Variants in MANBA observed in about 807,000 individuals in gnomAD.
MANBA encodes the protein mannosidase beta, also known as beta-mannosidase.
MANBA carries 83 observed loss-of-function variants against 111.1 expected under a neutral mutation model. The ratio of observed to expected loss-of-function variants is 0.75; its 90% CI spans 0.63 to 0.90. MANBA has a LOEUF of 0.90. Among genes scored for constraint, MANBA ranks in the 40% least tolerant of loss-of-function variants. The probability of loss-of-function intolerance (pLI) is 0.00; values close to 1 mark genes in which losing one functional copy is unlikely to be tolerated. For missense variants in MANBA, 1,036 were observed against 1,069.0 expected, an observed-to-expected ratio of 0.97 and a Z score of 0.43; for synonymous variants, 370 against 378.7, an observed-to-expected ratio of 0.98 and a Z score of 0.27.
intron 11 of MANBA, among the ~76,000 whole-genome samples, chr4:102,659,711 G>A (rs1351132532): frequency 1.3e-5 from 2 of 152,152 alleles, no homozygotes; most frequent in African/African-American, 4.8e-5. Flanking sequence ...CCACTGAAAT[G>A]TTTTTCAAAA....
intron 2 of MANBA, 80 bp downstream of exon 2, chr4:102,726,509 C>T: frequency 1.3e-6 from 1 of 777,814 alleles, no homozygotes; most frequent in Non-Finnish European, 2.1e-6. Flanking sequence ...AAAAAACAAA[C>T]AAAACACAAC....
In MANBA at chr4:102,664,662, C is replaced by T. The variant is rs79449882; in HGVS notation, c.1485+23G>A. On this transcript the variant is annotated intron_variant, in intron 11 of 16. Coordinates refer to ENST00000647097, the MANE Select transcript of MANBA (RefSeq NM_005908.4). ...CCTAAAGATACATTCTTAAATTCTA[C>T]TGCATTAAAAATCATTACTTACTGC... 3,492 of 1,590,166 alleles carry T rather than the reference C, an allele frequency of 2.2e-3. 55 individuals carry two copies. The African/African-American group carries it at 0.039, about 18-fold the overall frequency.
chr4:102,699,761 A>T lies in MANBA; in HGVS notation c.674-8990T>A, dbSNP rs1179370632. Among the ~76,000 whole-genome samples the T allele has an allele frequency of 5.3e-5, 8 of 151,114 alleles. No individual in the cohort carries two copies. In the South Asian group the frequency reaches 8.4e-4, roughly 16 times the overall value. On this transcript the variant is annotated intron_variant, in intron 5 of 16. Coordinates refer to ENST00000647097, the MANE Select transcript of MANBA (RefSeq NM_005908.4). ...GATGTGCTGCTGGATCCGGTTTGCC[A>T]GTATTTTATTGAGGATTTTTGCATC...
intron 11 of MANBA, among the ~76,000 whole-genome samples, chr4:102,663,553 T>C (rs1731065869): frequency 1.3e-5 from 2 of 152,244 alleles, no homozygotes; most frequent in Non-Finnish European, 2.9e-5. Flanking sequence ...TGTCTTAGTA[T>C]ATCAGGTAAA....
chr4:102,711,921 G>A (rs1722084951), intron 5 of MANBA, among the ~76,000 whole-genome samples: 1 of 152,136 alleles, frequency 6.6e-6, no homozygotes, highest in Non-Finnish European at 1.5e-5. Flanking sequence ...TATATGAGTG[G>A]CAGAGAGGAA....
rs932989656 is a variant in MANBA at position 102,631,646 on chromosome 4, T to A, written c.*411A>T. The A allele has an allele frequency of 2.8e-5, 12 of 430,182 alleles. No homozygotes were observed. The South Asian group carries it at 7.2e-4, about 26-fold the overall frequency. The allele number at this position is 430,182 out of a possible 1,614,324, so 26.6% of individuals were successfully genotyped here. On this transcript the variant is annotated 3_prime_UTR_variant, in exon 17 of 17. Transcript: ENST00000647097. ...CTGAAATAATAACAAAGCACTTTAT[T>A]TGAGTATTCCGTATTCCCCAAAGCT...
chr4:102,632,055 C>T lies in MANBA; in HGVS notation c.*2G>A. The T allele has an allele frequency of 6.3e-7, 1 of 1,586,396 alleles. No individual in the cohort carries two copies. Among genetic ancestry groups the T allele is most frequent in the Non-Finnish European group, 8.6e-7 (1 of 1,156,392 alleles). ...TCCACTGAAAATACAACCTAGATTC[C>T]TTCAGTAAATATCTGTTAAGGAGGT... On this transcript the variant is annotated 3_prime_UTR_variant, in exon 17 of 17. Coordinates refer to ENST00000647097, the MANE Select transcript of MANBA (RefSeq NM_005908.4).
At chr4:102,703,987 CG>C (rs750205565) in intron 5 of MANBA, among the ~76,000 whole-genome samples, 3 of 151,722 alleles carry the variant, frequency 2.0e-5, no homozygotes, top group Non-Finnish European at 4.4e-5. Context: ...ACCAGCTACT[CG>C]GGAGGCTAAG....
chr4:102,651,417 A>C (rs1326756896), intron 12 of MANBA, among the ~76,000 whole-genome samples: 2 of 152,044 alleles, frequency 1.3e-5, no homozygotes, highest in South Asian at 2.1e-4. Flanking sequence ...AGTAAAAAAA[A>C]CTCACATATG....
At chr4:102,709,346 GGAAGGAAGAAAAGAAAAGAA>G in intron 5 of MANBA, among the ~76,000 whole-genome samples, 6 of 133,440 alleles carry the variant, frequency 4.5e-5, no homozygotes, top group African/African-American at 1.4e-4. Flanking sequence ...AAGGAAGGAA[GGAAGGAAGAAAAGAAAAGAA>G]AAAGAAAGGA....
At chr4:102,637,575 G>A (rs1003848855) in intron 14 of MANBA, among the ~76,000 whole-genome samples, 4 of 152,112 alleles carry the variant, frequency 2.6e-5, no homozygotes, top group African/African-American at 7.2e-5. Context: ...TCCCTATAAC[G>A]CCCAAGAGGA....
Position 102,635,914 on chromosome 4 carries a change from T to C in MANBA, c.2108A>G (p.Tyr703Cys), listed in dbSNP as rs752710287. The C allele has an allele frequency of 9.9e-6, 16 of 1,611,222 alleles. No individual in the cohort carries two copies. In the Admixed American group the frequency reaches 1.0e-4, roughly 10 times the overall value. Residue 703 changes from tyrosine to cysteine, a missense_variant, in exon 15 of 17, where the codon TAT becomes TGT. Coordinates refer to ENST00000647097, the MANE Select transcript of MANBA (RefSeq NM_005908.4). ...PVGFENENTF[Y>C]IYGVSDLHSD... is the part of the protein sequence containing the mutation. Reference sequence around the variant, plus strand: ...GTGAAGATCTGACACACCATAGATATAGAACGTGTTTTCATTCTCAAAGCC... The same window carrying C: ...GTGAAGATCTGACACACCATAGATACAGAACGTGTTTTCATTCTCAAAGCC...
chr4:102,725,084 G>A (rs185802204), intron 2 of MANBA, among the ~76,000 whole-genome samples: 365 of 152,178 alleles, frequency 2.4e-3, no homozygotes, highest in Non-Finnish European at 3.9e-3. Context: ...AAGAATTCAG[G>A]GGCAGGAGGA....
chr4:102,747,158 G>GATATAT (rs144093849), intron 1 of MANBA, among the ~76,000 whole-genome samples: 5 of 145,412 alleles, frequency 3.4e-5, no homozygotes, highest in African/African-American at 1.3e-4. Context: ...GAACTAATGG[G>GATATAT]ATATATATAT....
At chr4:102,658,016 A>G (rs1297076385) in intron 11 of MANBA, 116 bp from the exon 12 acceptor site, 2 of 771,316 alleles carry the variant, frequency 2.6e-6, no homozygotes, top group Non-Finnish European at 2.3e-6. Context: ...CTGATAGAAA[A>G]TTAGTAGGAC....
chr4:102,648,823 T>G (rs1284993880), intron 13 of MANBA, among the ~76,000 whole-genome samples: 1 of 152,068 alleles, frequency 6.6e-6, no homozygotes, highest in Non-Finnish European at 1.5e-5. Context: ...TGACTACCAC[T>G]CAGATCAAGA....
intron 1 of MANBA, among the ~76,000 whole-genome samples, chr4:102,737,275 G>A (rs1196967367): frequency 1.3e-5 from 2 of 152,216 alleles, no homozygotes; most frequent in East Asian, 1.9e-4. Flanking sequence ...AGCCAAAGGT[G>A]TGAGCAGGTG....
chr4:102,669,848 T>A (rs376743392), intron 9 of MANBA, among the ~76,000 whole-genome samples: 8 of 151,938 alleles, frequency 5.3e-5, no homozygotes, highest in Non-Finnish European at 1.2e-4. Flanking sequence ...GGCAAGGTGG[T>A]GAGCGCCTGT....
chr4:102,676,193 G>C (rs367697448), intron 7 of MANBA, among the ~76,000 whole-genome samples: 1 of 152,034 alleles, frequency 6.6e-6, no homozygotes, highest in South Asian at 2.1e-4. Flanking sequence ...ACCTTTTTGT[G>C]CGTTATGCAA....
Sources: gnomAD v4.1 joint callset for allele counts (sites outside exome capture counted in the v4.1 genomes callset) on GRCh38, gnomAD v4.1.1 for gene constraint, MANE v1.5 for transcripts, NCBI Gene and HGNC (gene_info 2026-07-23, HGNC 2026-07-21) for gene names.